The following ZFAT variants were observed in gnomAD, a reference collection of about 807,000 sequenced individuals.
ZFAT encodes zinc finger and AT-hook domain containing, also known as zinc finger protein ZFAT.
ZFAT carries 64 observed loss-of-function variants against 117.7 expected under a neutral mutation model. That is an observed-to-expected ratio of 0.54 (90% CI 0.44 to 0.67). The LOEUF (loss-of-function observed/expected upper bound fraction) is 0.67, where lower values mean the gene tolerates loss of function less well. ZFAT is among the 30% of genes least tolerant of loss of function. The pLI is 0.00. For synonymous variants in ZFAT, 679 were observed against 615.0 expected (o/e 1.10, Z -1.54); for missense variants, 1,433 against 1,584.5 (o/e 0.90, Z 1.62).
chr8:134,823,419 G>GT, the ZFAT span, among the ~76,000 whole-genome samples: 1 of 152,258 alleles, frequency 6.6e-6, no homozygotes, highest in Non-Finnish European at 1.5e-5. Context: ...AGTATTTTCT[G>GT]TATGTCAGGC....
intron 9 of ZFAT, among the ~76,000 whole-genome samples, 177 bp from the exon 10 acceptor site, chr8:134,584,182 C>T (rs758691487): frequency 5.9e-5 from 9 of 152,276 alleles, no homozygotes; most frequent in South Asian, 2.1e-4. Flanking sequence ...ACACTTTCCA[C>T]GCCAGGTTCT....
intron 1 of ZFAT, among the ~76,000 whole-genome samples, chr8:134,667,683 C>T (rs970577062): frequency 3.3e-5 from 5 of 151,766 alleles, no homozygotes; most frequent in Admixed American, 6.6e-5. Context: ...CCAGCATGAG[C>T]GACACAGAAG....
chr8:134,534,545 T>C (rs1041650917), intron 11 of ZFAT, among the ~76,000 whole-genome samples: 4 of 148,012 alleles, frequency 2.7e-5, no homozygotes, highest in East Asian at 2.0e-4. Flanking sequence ...TAGAGGCAGA[T>C]GGGAGAGAGG....
chr8:134,693,527 C>T (rs1363684972), intron 1 of ZFAT, among the ~76,000 whole-genome samples: 2 of 148,664 alleles, frequency 1.3e-5, no homozygotes, highest in Non-Finnish European at 1.5e-5. Flanking sequence ...AATTAGCTGA[C>T]TGTAATAATC....
chr8:134,822,725 A>T, the ZFAT span, among the ~76,000 whole-genome samples: 3 of 152,158 alleles, frequency 2.0e-5, no homozygotes, highest in African/African-American at 4.8e-5. Flanking sequence ...CTTCCCTTAA[A>T]TTTTTCTTTG....
the ZFAT span, among the ~76,000 whole-genome samples, chr8:134,759,004 T>A: frequency 6.6e-6 from 1 of 152,090 alleles, no homozygotes; most frequent in African/African-American, 2.4e-5. Flanking sequence ...ATAAAAGCAG[T>A]CATGTTAGCA....
At chr8:134,522,461 C>T (rs1346766385) in intron 12 of ZFAT, among the ~76,000 whole-genome samples, 1 of 152,234 alleles carries the variant, frequency 6.6e-6, no homozygotes, top group Non-Finnish European at 1.5e-5. Flanking sequence ...CTCGGGCCAT[C>T]TCTTACTTTC....
At chr8:134,752,728 A>G in the ZFAT span, among the ~76,000 whole-genome samples, 1 of 152,268 alleles carries the variant, frequency 6.6e-6, no homozygotes, top group East Asian at 1.9e-4. Context: ...AAGCTTGTGC[A>G]CAGCCATCTT....
intron 13 of ZFAT, among the ~76,000 whole-genome samples, chr8:134,514,566 T>A (rs1375500365): frequency 6.6e-6 from 1 of 152,170 alleles, no homozygotes; most frequent in Non-Finnish European, 1.5e-5. Context: ...GCTTCTGAGC[T>A]CTCAGGGATT....
intron 11 of ZFAT, among the ~76,000 whole-genome samples, chr8:134,537,147 T>TA (rs1821902719): frequency 6.6e-6 from 1 of 152,268 alleles, no homozygotes; most frequent in Non-Finnish European, 1.5e-5. Flanking sequence ...TTAATTCCTA[T>TA]AAGTCTCACA....
chr8:134,734,496 T>G, the ZFAT span, among the ~76,000 whole-genome samples: 1 of 152,240 alleles, frequency 6.6e-6, no homozygotes, highest in African/African-American at 2.4e-5. Flanking sequence ...AGTCATAGTG[T>G]GCCTGACACT....
chr8:134,533,319 C>G (rs1167140153), intron 11 of ZFAT, among the ~76,000 whole-genome samples: 6 of 152,154 alleles, frequency 3.9e-5, no homozygotes, highest in Non-Finnish European at 7.4e-5. Flanking sequence ...AAGTGAATGA[C>G]ATTAAAAGTA....
At chr8:134,588,557 G>A (rs1282426660) in intron 8 of ZFAT, among the ~76,000 whole-genome samples, 162 bp from the exon 9 acceptor site, 2 of 152,156 alleles carry the variant, frequency 1.3e-5, no homozygotes, top group South Asian at 2.1e-4. Flanking sequence ...GAACCAAATC[G>A]AGTCTCAGAT....
intron 1 of ZFAT, among the ~76,000 whole-genome samples, chr8:134,674,086 T>G (rs1024892459): frequency 6.6e-6 from 1 of 152,130 alleles, no homozygotes; most frequent in African/African-American, 2.4e-5. Context: ...TCATATTCAG[T>G]CTGGTTGGAC....
intron 10 of ZFAT, among the ~76,000 whole-genome samples, chr8:134,573,658 G>A (rs1424147310): frequency 1.3e-5 from 2 of 152,230 alleles, no homozygotes; most frequent in Non-Finnish European, 2.9e-5. Context: ...TGGGGATGCA[G>A]GCACGAAAAT....
chr8:134,490,974 A>G (rs2130132400), intron 15 of ZFAT, among the ~76,000 whole-genome samples: 1 of 152,288 alleles, frequency 6.6e-6, no homozygotes, highest in East Asian at 1.9e-4. Flanking sequence ...AGAACCCTCC[A>G]TCCCTTGTAG....
chr8:134,482,724 T>A (rs1817401949), intron 15 of ZFAT, among the ~76,000 whole-genome samples: 1 of 152,262 alleles, frequency 6.6e-6, no homozygotes, highest in African/African-American at 2.4e-5. Flanking sequence ...TTTTCCAATG[T>A]CATTCTTTGG....
chr8:134,492,273 A>G (rs1470756168), intron 15 of ZFAT, among the ~76,000 whole-genome samples: 3 of 152,118 alleles, frequency 2.0e-5, no homozygotes, highest in African/African-American at 7.2e-5. Context: ...TCTCATTACC[A>G]TCTGATTCAC....
At chr8:134,830,367 A>T in the ZFAT span, among the ~76,000 whole-genome samples, 2 of 152,234 alleles carry the variant, frequency 1.3e-5, no homozygotes, top group Admixed American at 1.3e-4. Context: ...ACAAGATCCC[A>T]AACGGACTGA....
Sources: gnomAD v4.1 joint callset for allele counts (sites outside exome capture counted in the v4.1 genomes callset) on GRCh38, gnomAD v4.1.1 for gene constraint, MANE v1.5 for transcripts, NCBI Gene and HGNC (gene_info 2026-07-23, HGNC 2026-07-21) for gene names.